The following TDRD3 variants were observed in gnomAD, a reference collection of about 807,000 sequenced individuals.
The protein encoded by TDRD3 is tudor domain-containing protein 3.
TDRD3 carries 45 observed loss-of-function variants against 86.7 expected under a neutral mutation model. The ratio of observed to expected loss-of-function variants is 0.52; its 90% CI spans 0.41 to 0.67. TDRD3 has a LOEUF of 0.67. Among genes scored for constraint, TDRD3 ranks in the 30% least tolerant of loss-of-function variants. The probability of loss-of-function intolerance (pLI) is 0.00; values close to 1 mark genes in which losing one functional copy is unlikely to be tolerated. For synonymous variants in TDRD3, 298 were observed against 301.7 expected (o/e 0.99, Z 0.13); for missense variants, 814 against 889.0 (o/e 0.92, Z 1.07).
chr13:60,515,026 G>A (rs1185841939), intron 10 of TDRD3, among the ~76,000 whole-genome samples: 1 of 152,202 alleles, frequency 6.6e-6, no homozygotes, highest in African/African-American at 2.4e-5. Flanking sequence ...GAAGCTCACT[G>A]TCTAGTGTGT....
Position 60,528,555 on chromosome 13 carries a change from G to A in TDRD3, c.1330G>A (p.Gly444Arg), listed in dbSNP as rs140379632. 118 of 1,613,998 alleles carry A rather than the reference G, an allele frequency of 7.3e-5. No individual in the cohort carries two copies. The African/African-American group carries it at 1.3e-3, about 18-fold the overall frequency. Residue 444 changes from glycine to arginine, a missense_variant, in exon 11 of 14, where the codon GGA (glycine) becomes AGA (arginine). Physicochemically the swap from Gly to Arg is moderately radical, Grantham distance 125. Transcript: ENST00000377881. ...QNSKSVLEGS[G>R]LPRNRGSERP... ...TTCAAAGTCAGTTTTAGAAGGCAGT[G>A]GATTACCTAGAAATAGAGGTTCTGA...
At chr13:60,483,702 C>T in intron 5 of TDRD3, 73 bp from the exon 6 acceptor site, 4 of 1,383,556 alleles carry the variant, frequency 2.9e-6, no homozygotes, top group East Asian at 2.5e-5. Context: ...AGGTAGATTC[C>T]TGTTACATTA....
At chr13:60,452,963 A>G (rs1352962428) in intron 3 of TDRD3, among the ~76,000 whole-genome samples, 2 of 151,914 alleles carry the variant, frequency 1.3e-5, no homozygotes, top group Non-Finnish European at 2.9e-5. Context: ...GACTTTGTTA[A>G]TGTTGTTATT....
intron 1 of TDRD3, among the ~76,000 whole-genome samples, chr13:60,398,680 A>G (rs1245264826): frequency 6.6e-6 from 1 of 152,268 alleles, no homozygotes; most frequent in Non-Finnish European, 1.5e-5. Context: ...CCAAAATGAC[A>G]TAGCTAGAAA....
chr13:60,496,288 C>T lies in TDRD3; in HGVS notation c.858+1713C>T, dbSNP rs766108541. Among the ~76,000 whole-genome samples, 177 of 61,222 alleles carry T rather than the reference C, an allele frequency of 2.9e-3. 1 individual carries two copies. The highest frequency in any genetic ancestry group is 4.6e-3 in the African/African-American group (74 of 16,168). The allele number at this position is 61,222 out of a possible 152,430, so 40.2% of individuals were successfully genotyped here. A position where few individuals can be genotyped will look rare whatever the true frequency, so the allele number is the denominator to read the frequency against. On this transcript the variant is annotated intron_variant, in intron 8 of 13. Transcript: ENST00000377881. ...TGTGAGTTAATACTTAACAAACTCC[C>T]ATATATATATATATATATATATATA...
In TDRD3 at chr13:60,510,687, C is replaced by A. The variant is rs752863654; in HGVS notation, c.1073C>A (p.Ala358Glu). Residue 358 changes from alanine to glutamate, a missense_variant, in exon 10 of 14, where the codon GCA (alanine) becomes GAA (glutamate). By Grantham distance (107) the Ala-to-Glu change is moderately radical (BLOSUM62 -1). Transcript: ENST00000377881. Reference protein sequence around the residue: ...RSEDEEDLGNARPSAPSTLFD... With the variant: ...RSEDEEDLGNERPSAPSTLFD... ...GAAGATGAAGAGGACCTGGGAAATG[C>A]AAGGCCATCAGCACCAAGCACATTA... 133 of 1,606,230 alleles carry A rather than the reference C, an allele frequency of 8.3e-5. 1 individual carries two copies. The highest frequency in any genetic ancestry group is 1.1e-4 in the Non-Finnish European group (132 of 1,176,356).
intron 12 of TDRD3, among the ~76,000 whole-genome samples, chr13:60,539,808 G>A (rs969721686): frequency 6.6e-6 from 1 of 151,810 alleles, no homozygotes; most frequent in Non-Finnish European, 1.5e-5. Flanking sequence ...AATGAGGAGG[G>A]TGATGGAGAG....
chr13:60,399,826 T>G (rs1235512971), intron 1 of TDRD3, among the ~76,000 whole-genome samples: 5 of 152,244 alleles, frequency 3.3e-5, no homozygotes. Flanking sequence ...AAATATTTAG[T>G]GCTGAAAAGT....
At position 60,435,918 on chromosome 13, in the gene TDRD3, G is replaced by GT. The variant is rs767705603; in HGVS notation, c.42-3757dup. The stretch of plus-strand genomic sequence containing the variant: ...AAACCACATCATGACAACATCTATG[G>GT]TTTTTTTTTTTTTACTTTTTAATTA... On this transcript the variant is annotated intron_variant, in intron 1 of 13. Transcript: ENST00000377881. Among the ~76,000 whole-genome samples the GT allele has an allele frequency of 2.2e-3, 274 of 124,612 alleles. 2 individuals are homozygous for GT. Among genetic ancestry groups the GT allele is most frequent in the African/African-American group, 2.3e-3 (85 of 37,428 alleles). The allele number at this position is 124,612 out of a possible 152,430, so 81.8% of individuals were successfully genotyped here.
At chr13:60,486,244 T>A (rs1468517985) in intron 7 of TDRD3, among the ~76,000 whole-genome samples, 1 of 152,138 alleles carries the variant, frequency 6.6e-6, no homozygotes, top group Non-Finnish European at 1.5e-5. Flanking sequence ...ACACACTTTT[T>A]ATTCTGGCAG....
intron 1 of TDRD3, among the ~76,000 whole-genome samples, chr13:60,435,288 G>GT (rs879657421): frequency 3.9e-5 from 6 of 151,988 alleles, no homozygotes; most frequent in Non-Finnish European, 8.8e-5. Flanking sequence ...TATTTCAATA[G>GT]TTTTTTTGGG....
chr13:60,516,626 A>G (rs1242870937), intron 10 of TDRD3, among the ~76,000 whole-genome samples: 1 of 152,172 alleles, frequency 6.6e-6, no homozygotes, highest in African/African-American at 2.4e-5. Flanking sequence ...TAATTTTCTC[A>G]TCAGGAAATG....
intron 2 of TDRD3, among the ~76,000 whole-genome samples, chr13:60,443,403 A>T (rs1053122533): frequency 1.3e-5 from 2 of 151,988 alleles, no homozygotes; most frequent in Non-Finnish European, 2.9e-5. Flanking sequence ...GTTACACATG[A>T]GTCTGGATTT....
chr13:60,460,670 T>C (rs1323547738), intron 4 of TDRD3, 130 bp downstream of exon 4: 3 of 845,044 alleles, frequency 3.6e-6, no homozygotes, highest in Non-Finnish European at 5.1e-6. Flanking sequence ...GATGAAATTA[T>C]AGAGCTTTTC....
intron 12 of TDRD3, among the ~76,000 whole-genome samples, chr13:60,541,022 A>G (rs766207892): frequency 2.0e-5 from 3 of 152,204 alleles, no homozygotes; most frequent in Non-Finnish European, 4.4e-5. Flanking sequence ...TTATTTAACT[A>G]TTACTAAGTG....
At chr13:60,473,502 G>A (rs1956114553) in intron 5 of TDRD3, among the ~76,000 whole-genome samples, 1 of 152,068 alleles carries the variant, frequency 6.6e-6, no homozygotes, top group Non-Finnish European at 1.5e-5. Context: ...GAGACCGAGG[G>A]CACAAACTGT....
chr13:60,565,231 A>T (rs559819487), intron 12 of TDRD3, among the ~76,000 whole-genome samples: 2 of 149,536 alleles, frequency 1.3e-5, no homozygotes, highest in Non-Finnish European at 3.0e-5. Context: ...AATTTTTTGT[A>T]TTTTTAGTAG....
chr13:60,562,198 A>C (rs187541561), intron 12 of TDRD3, among the ~76,000 whole-genome samples: 18 of 152,188 alleles, frequency 1.2e-4, no homozygotes, highest in Admixed American at 7.9e-4. Flanking sequence ...CTGTAATTCC[A>C]GCTACTCGGG....
chr13:60,414,984 TC>T (rs1954462923), intron 1 of TDRD3, among the ~76,000 whole-genome samples: 4 of 151,858 alleles, frequency 2.6e-5, no homozygotes, highest in African/African-American at 9.7e-5. Context: ...TTAAAACACA[TC>T]AGTCTTGAGT....
Sources: gnomAD v4.1 joint callset for allele counts (sites outside exome capture counted in the v4.1 genomes callset) on GRCh38, gnomAD v4.1.1 for gene constraint, MANE v1.5 for transcripts, NCBI Gene and HGNC (gene_info 2026-07-23, HGNC 2026-07-21) for gene names.